The following MRRF variants were observed in gnomAD, a reference collection of about 807,000 sequenced individuals.
The protein encoded by MRRF is mitochondrial ribosome recycling factor.
MRRF carries 18 observed loss-of-function variants against 25.1 expected under a neutral mutation model. The observed-to-expected ratio is 0.72, with a 90% CI of 0.50 to 1.06. The LOEUF is 1.06. Ranked by LOEUF, MRRF falls within the 50% of genes least tolerant of loss-of-function variation. MRRF has a pLI of 0.00. For synonymous variants in MRRF, 113 were observed against 112.1 expected, an observed-to-expected ratio of 1.01 and a Z score of -0.05; for missense variants, 323 against 319.3, an observed-to-expected ratio of 1.01 and a Z score of -0.09.
intron 4 of MRRF, chr9:122,285,578 G>A: frequency 2.3e-6 from 1 of 440,474 alleles, no homozygotes; most frequent in Non-Finnish European, 4.2e-6. Context: ...AAAGGCTCTG[G>A]TGAGCTGGAG....
chr9:122,325,117 G>A lies in MRRF; in HGVS notation c.*2500G>A, dbSNP rs1186841311. 6.6e-6 allele frequency: 1 copy of A among 152,162 alleles called. No homozygotes were observed. Among genetic ancestry groups the A allele is most frequent in the East Asian group, 1.9e-4 (1 of 5,188 alleles). 9.4% of individuals were successfully genotyped at this position (152,162 alleles called of 1,614,324 possible). On this transcript the variant is annotated 3_prime_UTR_variant, in exon 7 of 7. Coordinates refer to ENST00000344641, the MANE Select transcript of MRRF (RefSeq NM_138777.5). The stretch of plus-strand genomic sequence containing the variant: ...TTGTAATTCCACTCCAAAGGCATTT[G>A]GTTCTTAACAGCCAAATCCTCTGTA...
intron 1 of MRRF, among the ~76,000 whole-genome samples, chr9:122,268,971 C>T (rs568127178): frequency 6.6e-6 from 1 of 152,058 alleles, no homozygotes; most frequent in East Asian, 1.9e-4. Flanking sequence ...CGAGACCAAC[C>T]TGGCTAACAA....
At chr9:122,299,449 G>A (rs939618479) in intron 5 of MRRF, among the ~76,000 whole-genome samples, 3 of 151,996 alleles carry the variant, frequency 2.0e-5, no homozygotes, top group African/African-American at 7.2e-5. Context: ...ATTTTCAGGT[G>A]CTCCTGGACA....
In MRRF at chr9:122,286,288, G is replaced by T. The variant is rs1322059769; in HGVS notation, c.459+1001G>T. Reference sequence around the variant, plus strand: ...GAGATAGGAGAAAGGGAAAGCCCTTGCTGTGAACACACTGTTTCAAATCAA... The same window carrying T: ...GAGATAGGAGAAAGGGAAAGCCCTTTCTGTGAACACACTGTTTCAAATCAA... On this transcript the variant is annotated intron_variant, in intron 4 of 6. Transcript: ENST00000344641. 6 of 985,572 alleles carry T rather than the reference G, an allele frequency of 6.1e-6. No individual in the cohort carries two copies. The East Asian group carries it at 3.0e-4, about 50-fold the overall frequency. The allele number at this position is 985,572 out of a possible 1,614,324, so 61.1% of individuals were successfully genotyped here.
intron 5 of MRRF, among the ~76,000 whole-genome samples, chr9:122,294,196 A>G (rs1833947932): frequency 6.6e-6 from 1 of 152,252 alleles, no homozygotes; most frequent in East Asian, 1.9e-4. Flanking sequence ...TGAAGCTCCA[A>G]AATACTGTGG....
intron 5 of MRRF, among the ~76,000 whole-genome samples, chr9:122,295,656 G>A (rs1229420702): frequency 6.6e-6 from 1 of 152,118 alleles, no homozygotes; most frequent in Admixed American, 6.5e-5. Context: ...ATGTTAGCCA[G>A]GCTGGTCTCG....
chr9:122,318,077 A>G (rs1835649994), intron 6 of MRRF, among the ~76,000 whole-genome samples: 1 of 152,184 alleles, frequency 6.6e-6, no homozygotes, highest in Non-Finnish European at 1.5e-5. Flanking sequence ...GCAGAGCTGC[A>G]GTGAGCCGAA....
intron 5 of MRRF, among the ~76,000 whole-genome samples, chr9:122,297,308 CAAAA>C (rs910201996): frequency 6.6e-6 from 1 of 150,580 alleles, no homozygotes; most frequent in African/African-American, 2.4e-5. Context: ...GACTCCATCT[CAAAA>C]AAAAAGAGAA....
intron 2 of MRRF, among the ~76,000 whole-genome samples, chr9:122,278,419 A>G (rs1832905373): frequency 6.6e-6 from 1 of 152,064 alleles, no homozygotes; most frequent in Non-Finnish European, 1.5e-5. Context: ...TTCTAGTAGC[A>G]TGGATTCGTT....
intron 5 of MRRF, among the ~76,000 whole-genome samples, chr9:122,299,422 A>G (rs1834300557): frequency 6.6e-6 from 1 of 151,884 alleles, no homozygotes; most frequent in Non-Finnish European, 1.5e-5. Context: ...GCGGAAGAGA[A>G]GATTTTGTCC....
intron 5 of MRRF, among the ~76,000 whole-genome samples, chr9:122,304,073 A>ACG (rs1224921218): frequency 1.3e-5 from 2 of 151,402 alleles, no homozygotes; most frequent in Non-Finnish European, 3.0e-5. Context: ...ACACACACAC[A>ACG]CACACACACA....
At chr9:122,314,320 A>G (rs1835380601) in intron 6 of MRRF, among the ~76,000 whole-genome samples, 1 of 152,176 alleles carries the variant, frequency 6.6e-6, no homozygotes. Context: ...TTTTCATGGT[A>G]ACAGCAGATG....
chr9:122,321,339 A>C lies in MRRF; in HGVS notation c.712-1201A>C, dbSNP rs575358784. Among the ~76,000 whole-genome samples the C allele has an allele frequency of 1.5e-4, 23 of 152,336 alleles. 1 individual carries two copies. Among genetic ancestry groups the C allele is most frequent in the Non-Finnish European group, 3.1e-4 (21 of 68,024 alleles). On this transcript the variant is annotated intron_variant, in intron 6 of 6. Coordinates refer to ENST00000344641, the MANE Select transcript of MRRF (RefSeq NM_138777.5). ...TATTCATATTAACACCCTATCCTTA[A>C]GTAGTAGAAAATCTTAACCATTTCA...
intron 3 of MRRF, among the ~76,000 whole-genome samples, chr9:122,281,361 G>C (rs1833084034): frequency 6.6e-6 from 1 of 152,192 alleles, no homozygotes; most frequent in Non-Finnish European, 1.5e-5. Context: ...GTGGGAGCTT[G>C]GGCTGCTTCT....
chr9:122,280,053 A>G lies in MRRF; in HGVS notation c.185-390A>G, dbSNP rs116561232. On this transcript the variant is annotated intron_variant, in intron 2 of 6. Coordinates refer to ENST00000344641, the MANE Select transcript of MRRF (RefSeq NM_138777.5). ...TTAATTTAGTTATGGATTCCCTGCC[A>G]TGTGTATAGTGTTCTTTTAGGTGTT... Among the ~76,000 whole-genome samples, 1,228 of 152,272 alleles carry G rather than the reference A, an allele frequency of 8.1e-3. 15 individuals carry two copies. The highest frequency in any genetic ancestry group is 0.029 in the African/African-American group (1,186 of 41,548).
intron 1 of MRRF, among the ~76,000 whole-genome samples, chr9:122,270,271 C>G (rs1414243054): frequency 1.3e-5 from 2 of 152,218 alleles, no homozygotes; most frequent in Non-Finnish European, 2.9e-5. Context: ...TGTGTTAACA[C>G]AGGAGAGGGT....
intron 1 of MRRF, among the ~76,000 whole-genome samples, chr9:122,269,372 G>A (rs1832313934): frequency 6.6e-6 from 1 of 152,072 alleles, no homozygotes; most frequent in Non-Finnish European, 1.5e-5. Flanking sequence ...CTGATTGTAG[G>A]CTATTTTGTA....
At chr9:122,272,805 T>C (rs1832542462) in intron 2 of MRRF, among the ~76,000 whole-genome samples, 1 of 152,198 alleles carries the variant, frequency 6.6e-6, no homozygotes, top group African/African-American at 2.4e-5. Context: ...TATTGCAAGG[T>C]AATTTATTTC....
chr9:122,289,684 A>G (rs992293543), intron 4 of MRRF, among the ~76,000 whole-genome samples: 1 of 151,828 alleles, frequency 6.6e-6, no homozygotes, highest in Non-Finnish European at 1.5e-5. Context: ...TACCTTGAGT[A>G]TAACCTTTAT....
Sources: allele counts gnomAD v4.1 joint callset (sites outside exome capture counted in the v4.1 genomes callset), GRCh38; gene constraint gnomAD v4.1.1; transcripts MANE v1.5; gene names NCBI Gene and HGNC (gene_info 2026-07-23, HGNC 2026-07-21).